The following SIK3 variants were observed in gnomAD, a reference collection of about 807,000 sequenced individuals.
SIK3 encodes the protein SIK family kinase 3, also known as serine/threonine-protein kinase SIK3.
Under a neutral mutation model 144.2 loss-of-function variants are expected in SIK3, and 28 were observed. That is an observed-to-expected ratio of 0.19 (90% CI 0.14 to 0.27). SIK3 has a LOEUF of 0.27. SIK3 is among the 10% of genes least tolerant of loss of function. The pLI is 1.00. For synonymous variants in SIK3, 686 were observed against 676.3 expected (o/e 1.01, Z -0.22); for missense variants, 1,319 against 1,776.0 (o/e 0.74, Z 4.62).
At chr11:116,943,255 T>C (rs955346815) in intron 3 of SIK3, among the ~76,000 whole-genome samples, 2 of 151,964 alleles carry the variant, frequency 1.3e-5, no homozygotes, top group Admixed American at 6.6e-5. Flanking sequence ...TAATTAGCTA[T>C]TTGGCAAAAT....
intron 3 of SIK3, among the ~76,000 whole-genome samples, chr11:116,939,641 G>C (rs771383819): frequency 2.6e-5 from 4 of 152,120 alleles, no homozygotes; most frequent in Non-Finnish European, 4.4e-5. Context: ...AAAAACTATG[G>C]AGCACTCCTG....
At chr11:117,085,768 T>C (rs943786956) in intron 1 of SIK3, among the ~76,000 whole-genome samples, 3 of 152,084 alleles carry the variant, frequency 2.0e-5, no homozygotes, top group African/African-American at 7.2e-5. Context: ...GCGAACTGCC[T>C]GAGCTCAGGA....
At chr11:116,894,334 T>C (rs2134739314) in intron 6 of SIK3, among the ~76,000 whole-genome samples, 1 of 152,284 alleles carries the variant, frequency 6.6e-6, no homozygotes, top group East Asian at 1.9e-4. Flanking sequence ...ATTCCAAACA[T>C]ACATCCCCAA....
chr11:117,064,232 C>T (rs1953917049), intron 1 of SIK3, among the ~76,000 whole-genome samples: 1 of 152,136 alleles, frequency 6.6e-6, no homozygotes, highest in South Asian at 2.1e-4. Flanking sequence ...AAAGGAAAAA[C>T]AATAATTTAG....
chr11:116,870,493 T>C, intron 13 of SIK3, 92 bp from the exon 14 acceptor site: 1 of 1,550,178 alleles, frequency 6.5e-7, no homozygotes, highest in African/African-American at 1.4e-5. Flanking sequence ...GGACTTTCTG[T>C]TAACTTTCTT....
intron 21 of SIK3, among the ~76,000 whole-genome samples, chr11:116,852,478 C>T (rs1005273705): frequency 6.6e-6 from 1 of 152,174 alleles, no homozygotes; most frequent in African/African-American, 2.4e-5. Context: ...AAGAGTTGGC[C>T]GTGAATCCTG....
chr11:117,035,700 G>A (rs1246793289), intron 1 of SIK3: 4 of 825,836 alleles, frequency 4.8e-6, no homozygotes, highest in Non-Finnish European at 7.8e-6. Flanking sequence ...GACTACAGGT[G>A]CATGCCACCA....
At chr11:116,888,443 G>C (rs1329191847) in intron 6 of SIK3, among the ~76,000 whole-genome samples, 1 of 152,210 alleles carries the variant, frequency 6.6e-6, no homozygotes, top group Admixed American at 6.5e-5. Flanking sequence ...AGGACTCTGG[G>C]ACAGACTCTA....
rs75809113 is a variant in SIK3, at chr11:117,095,622, G to A, written c.273+2521C>T. ...TCGTACTGTATGTCGACAGCTGTTAGGCACATCTAAGCTGTCCGCATTTGA... is the reference window on the plus strand; with the variant it reads ...TCGTACTGTATGTCGACAGCTGTTAAGCACATCTAAGCTGTCCGCATTTGA... On this transcript the variant is annotated intron_variant, in intron 1 of 24. Coordinates refer to ENST00000445177, the MANE Select transcript of SIK3 (RefSeq NM_001366686.3). Among the ~76,000 whole-genome samples, 720 of 152,274 alleles carry A rather than the reference G, an allele frequency of 4.7e-3. 8 individuals are homozygous for A. Among genetic ancestry groups the A allele is most frequent in the African/African-American group, 0.016 (660 of 41,550 alleles).
At chr11:116,864,651 A>G (rs1229798864) in intron 15 of SIK3, 2 of 152,240 alleles carry the variant, frequency 1.3e-5, no homozygotes, top group Non-Finnish European at 2.9e-5. Context: ...TGATGATCAG[A>G]AAGAGATGTT....
Position 116,861,311 on chromosome 11 carries a change from A to T in SIK3, c.2388T>A (p.Ser796Arg). Residue 796 changes from serine to arginine, a missense_variant, in exon 19 of 25, where the codon AGT becomes AGA. By Grantham distance (110) the Ser-to-Arg change is moderately radical (BLOSUM62 -1). Transcript: ENST00000445177. ...NNHLFRQPSN[S>R]PPPMSSAMIQ... Reference sequence around the variant, plus strand: ...TCATGGCACTGCTCATGGGGGGAGGACTATTACTGGGCTGCCTGAAGAGAT... The same window carrying T: ...TCATGGCACTGCTCATGGGGGGAGGTCTATTACTGGGCTGCCTGAAGAGAT... 1 of 1,595,618 alleles carries T rather than the reference A, an allele frequency of 6.3e-7. No homozygotes were observed. The highest frequency in any genetic ancestry group is 1.1e-5 in the South Asian group (1 of 88,158).
intron 7 of SIK3, 64 bp from the exon 8 acceptor site, chr11:116,876,427 TATA>T: frequency 7.5e-7 from 1 of 1,342,244 alleles, no homozygotes; most frequent in Non-Finnish European, 1.1e-6. Flanking sequence ...TGGCACAGCA[TATA>T]TAATGACCAA....
chr11:116,983,151 C>T (rs982287053), intron 1 of SIK3, among the ~76,000 whole-genome samples: 2 of 150,614 alleles, frequency 1.3e-5, no homozygotes, highest in South Asian at 2.1e-4. Context: ...GGCATAAACC[C>T]GGGAGGCGGA....
intron 21 of SIK3, among the ~76,000 whole-genome samples, chr11:116,856,684 T>C (rs1311502920): frequency 6.6e-6 from 1 of 152,182 alleles, no homozygotes; most frequent in Non-Finnish European, 1.5e-5. Flanking sequence ...CAGGATTGAA[T>C]TGGCATTTCA....
At chr11:117,019,719 T>G (rs989974776) in intron 1 of SIK3, among the ~76,000 whole-genome samples, 4 of 151,990 alleles carry the variant, frequency 2.6e-5, no homozygotes, top group African/African-American at 9.7e-5. Context: ...GTTCACGTGA[T>G]TCTCCTGCCT....
At chr11:117,053,794 G>A (rs1486435310) in intron 1 of SIK3, among the ~76,000 whole-genome samples, 4 of 152,060 alleles carry the variant, frequency 2.6e-5, no homozygotes, top group African/African-American at 9.7e-5. Flanking sequence ...CCACAGGCAT[G>A]TGCCACCATG....
chr11:117,030,935 T>A (rs1429390363), intron 1 of SIK3, among the ~76,000 whole-genome samples: 2 of 152,258 alleles, frequency 1.3e-5, no homozygotes, highest in Non-Finnish European at 2.9e-5. Flanking sequence ...TGGGGTTACA[T>A]GCCATCTGTA....
chr11:116,922,120 T>C (rs1290528271), intron 4 of SIK3, among the ~76,000 whole-genome samples: 1 of 152,208 alleles, frequency 6.6e-6, no homozygotes, highest in African/African-American at 2.4e-5. Flanking sequence ...ATAATATCTA[T>C]AACTAATATC....
chr11:116,947,261 A>AT (rs1172963642), intron 3 of SIK3, among the ~76,000 whole-genome samples: 1 of 101,360 alleles, frequency 9.9e-6, no homozygotes, highest in African/African-American at 3.6e-5. Flanking sequence ...TTATTTATAT[A>AT]TTATATATAT....
Sources: allele counts gnomAD v4.1 joint callset (sites outside exome capture counted in the v4.1 genomes callset), GRCh38; gene constraint gnomAD v4.1.1; transcripts MANE v1.5; gene names NCBI Gene and HGNC (gene_info 2026-07-23, HGNC 2026-07-21).